Variants in SH3D21 observed in about 807,000 individuals in gnomAD.
SH3D21 encodes the protein manchette microtubule inner protein 1, also known as SH3 domain-containing protein 21.
A neutral mutation model predicts 82.1 loss-of-function variants in SH3D21; 83 were observed. That is an observed-to-expected ratio of 1.01 (90% CI 0.85 to 1.21). The LOEUF is 1.21. Among genes scored for constraint, SH3D21 ranks in the 50% most tolerant of loss-of-function variants. The pLI, the probability that SH3D21 is intolerant of heterozygous loss-of-function variation, is 0.00. For missense variants in SH3D21, 980 were observed against 962.1 expected (o/e 1.02, Z -0.25); for synonymous variants, 383 against 387.8 (o/e 0.99, Z 0.15).
At chr1:36,322,919 A>C, downstream of SH3D21, 1 of 1,591,510 alleles carries the variant, frequency 6.3e-7, no homozygotes, top group Non-Finnish European at 8.6e-7. Flanking sequence ...AGGGAAGGGG[A>C]TGGTGGTCAG....
At chr1:36,324,908 C>CCACAGT (rs1050929343), downstream of SH3D21, 1 of 152,188 alleles carries the variant, frequency 6.6e-6, no homozygotes, top group Non-Finnish European at 1.5e-5. Context: ...CCTAGCACTT[C>CCACAGT]CTAGTCTAGT....
Position 36,306,480 on chromosome 1 carries a change from C to T in SH3D21, c.4+56C>T. The T allele has an allele frequency of 7.7e-7, 1 of 1,305,118 alleles. No individual in the cohort carries two copies. Among genetic ancestry groups the T allele is most frequent in the Non-Finnish European group, 1.0e-6 (1 of 988,886 alleles). The allele number at this position is 1,305,118 out of a possible 1,614,324, so 80.8% of individuals were successfully genotyped here. On this transcript the variant is annotated intron_variant, in intron 1 of 15. Coordinates refer to ENST00000453908, the MANE Select transcript of SH3D21 (RefSeq NM_001162530.2). The surrounding 1 kb of genome is among the most constrained non-coding windows in gnomAD (Gnocchi z 4.5). ...TCTGCAACCGTGGACATAGCAAGAGCCCACACCACCCCCCGACCCCCGCTG... is the reference window on the plus strand; with the variant it reads ...TCTGCAACCGTGGACATAGCAAGAGTCCACACCACCCCCCGACCCCCGCTG...
At chr1:36,311,146 CAA>C (rs1374405904) in intron 10 of SH3D21, among the ~76,000 whole-genome samples, 2 of 152,158 alleles carry the variant, frequency 1.3e-5, no homozygotes, top group East Asian at 3.8e-4. Flanking sequence ...TGAGCTCAGG[CAA>C]TCCGCTTGCC....
At chr1:36,310,612 C>CAA (rs1297798016) in intron 10 of SH3D21, among the ~76,000 whole-genome samples, 5 of 120,588 alleles carry the variant, frequency 4.1e-5, no homozygotes, top group African/African-American at 6.1e-5. Context: ...GACTCTGTCT[C>CAA]AAAAAAAAAA....
At chr1:36,308,593 A>G (rs963341214) in intron 9 of SH3D21, 118 bp downstream of exon 9, 1 of 724,814 alleles carries the variant, frequency 1.4e-6, no homozygotes, top group African/African-American at 1.8e-5. Context: ...GGACCTAGAC[A>G]TGTGGGGGCT....
At position 36,307,225 on chromosome 1, in the gene SH3D21, C is replaced by T; in HGVS notation, c.285C>T (p.Ser95=). The T allele has an allele frequency of 6.4e-7, 1 of 1,551,778 alleles. No individual in the cohort carries two copies. The highest frequency in any genetic ancestry group is 1.2e-5 in the South Asian group (1 of 84,060). ...GGTGCAAAGTGAACTTCAGCTACAG[C>T]CCAGAGCAGGCGGACGAGCTGAAGC... ...QRWCKVNFSY[S]PEQADELKLQ... is the part of the protein sequence containing the mutation. Residue 95 remains serine (S), a synonymous_variant, in exon 4 of 16, where the codon AGC becomes AGT. Coordinates refer to ENST00000453908, the MANE Select transcript of SH3D21 (RefSeq NM_001162530.2). This position sits in a 1 kb window ranked among gnomAD's most constrained non-coding sequence, Gnocchi z 5.4.
At position 36,321,182 on chromosome 1, in the gene SH3D21, T is replaced by C; in HGVS notation, c.*55T>C. On this transcript the variant is annotated 3_prime_UTR_variant, in exon 16 of 16. Transcript: ENST00000453908. This position sits in a 1 kb window ranked among gnomAD's most constrained non-coding sequence, Gnocchi z 6.1. ...ACCTGGCTGGGGCCACCCACGTCCT[T>C]GCACACGACTTTGGGAAACGCGAGA... The C allele has an allele frequency of 3.8e-6, 6 of 1,580,802 alleles. No individual in the cohort carries two copies. The highest frequency in any genetic ancestry group is 5.2e-6 in the Non-Finnish European group (6 of 1,163,612).
Position 36,320,313 on chromosome 1 carries a change from G to A in SH3D21, c.1650G>A (p.Met550Ile). The change falls in exon 14 of 16, where the codon ATG becomes ATA. Residue 550 changes from methionine (M) to isoleucine (I), a missense_variant. Met to Ile is a conservative substitution (Grantham distance 10, BLOSUM62 1). Coordinates refer to ENST00000453908, the MANE Select transcript of SH3D21 (RefSeq NM_001162530.2). ...PPSSERCLGEMKCTLVRGDSS... is the reference protein window; with the variant it reads ...PPSSERCLGEIKCTLVRGDSS... ...CCTCAGAGAGGTGCCTGGGAGAGAT[G>A]AAATGTACCCTAGTTAGAGGGGACA... 6.2e-7 allele frequency: 1 copy of A among 1,612,962 alleles called. No homozygotes were observed.
At position 36,320,528 on chromosome 1, in the gene SH3D21, T is replaced by C; in HGVS notation, c.1865T>C (p.Val622Ala). ...GAGGAGGTGCTCCCCAAAGAGGGAG[T>C]GGCTTCCAAAGAGGAGGTGACCCTG... ...LREEVLPKEG[V>A]ASKEEVTLKE... is the part of the protein sequence containing the mutation. Residue 622 changes from valine to alanine, a missense_variant, in exon 14 of 16, where the codon GTG (valine) becomes GCG (alanine). Val to Ala is a moderately conservative substitution (Grantham distance 64, BLOSUM62 0). Transcript: ENST00000453908. The C allele has an allele frequency of 6.2e-7, 1 of 1,613,350 alleles. No homozygotes were observed. Among genetic ancestry groups the C allele is most frequent in the Non-Finnish European group, 8.5e-7 (1 of 1,179,876 alleles).
chr1:36,307,219 C>T lies in SH3D21; in HGVS notation c.279C>T (p.Ser93=). Residue 93 remains serine, a synonymous_variant, in exon 4 of 16, where the codon AGC becomes AGT. Transcript: ENST00000453908. This position sits in a 1 kb window ranked among gnomAD's most constrained non-coding sequence, Gnocchi z 5.4. ...AAAGATGGTGCAAAGTGAACTTCAGCTACAGCCCAGAGCAGGCGGACGAGC... is the reference window on the plus strand; with the variant it reads ...AAAGATGGTGCAAAGTGAACTTCAGTTACAGCCCAGAGCAGGCGGACGAGC... ...RPQRWCKVNF[S]YSPEQADELK... 6.4e-7 allele frequency: 1 copy of T among 1,551,796 alleles called. No individual in the cohort carries two copies. The highest frequency in any genetic ancestry group is 8.7e-7 in the Non-Finnish European group (1 of 1,147,004).
intron 10 of SH3D21, among the ~76,000 whole-genome samples, chr1:36,312,055 T>C (rs1570383063): frequency 1.3e-5 from 2 of 152,050 alleles, no homozygotes. Context: ...GACAGAGTCT[T>C]GCTTTGTCAC....
rs1646452434 is a variant in SH3D21, at chr1:36,321,062, G to A, written c.2206G>A (p.Val736Met). Residue 736 changes from valine to methionine, a missense_variant, in exon 16 of 16, where the codon GTG becomes ATG. Coordinates refer to ENST00000453908, the MANE Select transcript of SH3D21 (RefSeq NM_001162530.2). This position sits in a 1 kb window ranked among gnomAD's most constrained non-coding sequence, Gnocchi z 6.1. ...KEQRRRLEVQ[V>M]MQGTQKSQTP... ...CCACCTCACTCCCGACCAGGTCCAG[G>A]TGATGCAGGGGACCCAGAAGTCCCA... 1 of 1,611,660 alleles carries A rather than the reference G, an allele frequency of 6.2e-7. No homozygotes were observed. The highest frequency in any genetic ancestry group is 8.5e-7 in the Non-Finnish European group (1 of 1,179,246).
In SH3D21 at chr1:36,309,535, C is replaced by T. The variant is rs761818390; in HGVS notation, c.727-13C>T. 8 of 1,551,346 alleles carry T rather than the reference C, an allele frequency of 5.2e-6. No homozygotes were observed. Among genetic ancestry groups the T allele is most frequent in the Non-Finnish European group, 6.1e-6 (7 of 1,146,858 alleles). ...GATTAAGGATGCTCAACCTTTACTT[C>T]TTTTCGGCATAGATCAAGAAGCTGG... On this transcript the variant is annotated splice_polypyrimidine_tract_variant and intron_variant, in intron 9 of 15. Transcript: ENST00000453908.
chr1:36,315,704 A>G (rs997020350), intron 10 of SH3D21, among the ~76,000 whole-genome samples: 3 of 152,064 alleles, frequency 2.0e-5, no homozygotes, highest in Non-Finnish European at 4.4e-5. Context: ...GGATTTGTCC[A>G]CCACCTCATT....
In SH3D21 at chr1:36,306,935, T is replaced by C. The variant is rs1297310596; in HGVS notation, c.226+30T>C. ...GCGCAAGGGCGGGGACGGGCGCCGGTGGGCGGGTGCACGGAGCCAGTGCGA... is the reference window on the plus strand; with the variant it reads ...GCGCAAGGGCGGGGACGGGCGCCGGCGGGCGGGTGCACGGAGCCAGTGCGA... On this transcript the variant is annotated intron_variant, in intron 3 of 15. Transcript: ENST00000453908. The surrounding 1 kb of genome is among the most constrained non-coding windows in gnomAD (Gnocchi z 4.5). The C allele has an allele frequency of 7.5e-7, 1 of 1,329,964 alleles. No homozygotes were observed. Among genetic ancestry groups the C allele is most frequent in the Admixed American group, 2.8e-5 (1 of 36,338 alleles). 82.4% of individuals were successfully genotyped at this position (1,329,964 alleles called of 1,614,324 possible). A position where few individuals can be genotyped will look rare whatever the true frequency, so the allele number is the denominator to read the frequency against.
downstream of SH3D21, chr1:36,323,061 T>C (rs749410931): frequency 6.3e-6 from 10 of 1,593,664 alleles, no homozygotes; most frequent in East Asian, 1.4e-4. Flanking sequence ...GCAGCTCCCC[T>C]ACCAGCCTGC....
At chr1:36,312,517 TTACAAGTTTCC>T (rs1646261088) in intron 10 of SH3D21, among the ~76,000 whole-genome samples, 1 of 152,218 alleles carries the variant, frequency 6.6e-6, no homozygotes, top group Non-Finnish European at 1.5e-5. Flanking sequence ...TTGTAGGTTC[TTACAAGTTTCC>T]TGTGAAGACA....
chr1:36,317,245 G>A (rs750621858), intron 10 of SH3D21, among the ~76,000 whole-genome samples: 3 of 152,236 alleles, frequency 2.0e-5, no homozygotes, highest in Non-Finnish European at 4.4e-5. Context: ...CATGTTTTAT[G>A]AATGAGGACA....
chr1:36,330,029 G>A (rs900538786), downstream of SH3D21, among the ~76,000 whole-genome samples: 2 of 152,098 alleles, frequency 1.3e-5, no homozygotes, highest in African/African-American at 4.8e-5. Flanking sequence ...CTGGCAAACA[G>A]TTCCAGGATG....
Sources: allele counts gnomAD v4.1 joint callset (sites outside exome capture counted in the v4.1 genomes callset), GRCh38; gene constraint gnomAD v4.1.1; non-coding constraint Gnocchi (gnomAD v3.1); transcripts MANE v1.5; gene names NCBI Gene and HGNC (gene_info 2026-07-23, HGNC 2026-07-21).